GRIK2: variants seen among roughly 807,000 people sequenced by gnomAD.
GRIK2 encodes glutamate ionotropic receptor kainate type subunit 2.
GRIK2 carries 32 observed loss-of-function variants against 100.3 expected under a neutral mutation model. The ratio of observed to expected loss-of-function variants is 0.32; its 90% CI spans 0.24 to 0.43. The LOEUF (loss-of-function observed/expected upper bound fraction) is 0.43. Among genes scored for constraint, GRIK2 ranks in the 20% least tolerant of loss-of-function variants. GRIK2 has a pLI of 1.00. For synonymous variants in GRIK2, 417 were observed against 389.4 expected (o/e 1.07, Z -0.83); for missense variants, 843 against 1,114.9 (o/e 0.76, Z 3.47).
chr6:102,015,615 C>T (rs367885874), intron 14 of GRIK2, among the ~76,000 whole-genome samples: 2 of 152,280 alleles, frequency 1.3e-5, no homozygotes, highest in African/African-American at 4.8e-5. Context: ...ACCCTGGCAC[C>T]CACTAGCACC....
chr6:101,795,714 C>G lies in GRIK2; in HGVS notation c.952-3934C>G, dbSNP rs558573170. The stretch of plus-strand genomic sequence containing the variant: ...AGCCCTCAGGAGAAGTGCACGGACA[C>G]CAGCAGTGGTGAACAAGGCAGGGCT... On this transcript the variant is annotated intron_variant, in intron 7 of 16. Transcript: ENST00000369134. Among the ~76,000 whole-genome samples, 20 of 152,302 alleles carry G rather than the reference C, an allele frequency of 1.3e-4. No individual in the cohort carries two copies. In the South Asian group the frequency reaches 2.1e-3, roughly 16 times the overall value.
intron 10 of GRIK2, 126 bp downstream of exon 10, chr6:101,818,609 A>G (rs1583206211): frequency 3.3e-6 from 2 of 610,498 alleles, no homozygotes; most frequent in East Asian, 5.6e-5. Context: ...CAATTACTGT[A>G]CAACAGATGA....
At chr6:101,597,063 A>G (rs1329014851) in intron 2 of GRIK2, among the ~76,000 whole-genome samples, 1 of 151,930 alleles carries the variant, frequency 6.6e-6, no homozygotes, top group African/African-American at 2.4e-5. Flanking sequence ...GCAGCCATAG[A>G]AAACAACAAA....
chr6:101,483,594 G>A (rs2518170), intron 2 of GRIK2, among the ~76,000 whole-genome samples: 40,345 of 151,680 alleles, frequency 0.27, 5,975 homozygotes, highest in East Asian at 0.36. Context: ...TATTTATTTG[G>A]GATAGAGTCT....
intron 12 of GRIK2, among the ~76,000 whole-genome samples, chr6:101,912,359 C>T (rs78201585): frequency 0.086 from 13,098 of 151,548 alleles, 781 homozygotes; most frequent in Middle Eastern, 0.2. Flanking sequence ...GCTCCCACTA[C>T]TTAGCATTAA....
At chr6:101,849,905 A>C (rs893005572) in intron 10 of GRIK2, among the ~76,000 whole-genome samples, 1 of 126,222 alleles carries the variant, frequency 7.9e-6, no homozygotes, top group African/African-American at 2.9e-5. Context: ...AAATGCATTG[A>C]TATCTTTAAG....
chr6:101,610,840 AT>A (rs1157981493), intron 2 of GRIK2, among the ~76,000 whole-genome samples: 1 of 151,696 alleles, frequency 6.6e-6, no homozygotes, highest in Non-Finnish European at 1.5e-5. Context: ...AGTTGGTATT[AT>A]TTATACTGTT....
chr6:101,827,120 T>C (rs1012868937), intron 10 of GRIK2, among the ~76,000 whole-genome samples: 4 of 151,980 alleles, frequency 2.6e-5, no homozygotes, highest in Non-Finnish European at 5.9e-5. Context: ...CAACAAGACT[T>C]AGATTTTTGT....
At chr6:101,561,433 T>C (rs369974984) in intron 2 of GRIK2, among the ~76,000 whole-genome samples, 40 of 152,014 alleles carry the variant, frequency 2.6e-4, no homozygotes, top group African/African-American at 9.4e-4. Context: ...AAAAATACAA[T>C]TAGATAGAAG....
At chr6:101,799,906 C>G in intron 8 of GRIK2, 115 bp downstream of exon 8, 1 of 787,508 alleles carries the variant, frequency 1.3e-6, no homozygotes, top group Non-Finnish European at 2.0e-6. Context: ...TTTAAATTTT[C>G]TCTCTTACTC....
chr6:101,823,782 G>A (rs113750439), intron 10 of GRIK2, among the ~76,000 whole-genome samples: 2,825 of 151,576 alleles, frequency 0.019, 89 homozygotes, highest in African/African-American at 0.065. Flanking sequence ...AGGGGACTAA[G>A]TATTATTTTA....
intron 12 of GRIK2, among the ~76,000 whole-genome samples, chr6:101,895,045 A>T (rs1787351923): frequency 6.6e-6 from 1 of 151,784 alleles, no homozygotes; most frequent in Non-Finnish European, 1.5e-5. Context: ...AAATTACTAT[A>T]CCAAATTTTG....
At chr6:101,596,340 C>A (rs1778930574) in intron 2 of GRIK2, among the ~76,000 whole-genome samples, 1 of 150,970 alleles carries the variant, frequency 6.6e-6, no homozygotes, top group African/African-American at 2.4e-5. Context: ...TAGAAATTTA[C>A]CTTTTTACCT....
chr6:101,830,748 A>T (rs1782627523), intron 10 of GRIK2, among the ~76,000 whole-genome samples: 1 of 151,952 alleles, frequency 6.6e-6, no homozygotes, highest in Admixed American at 6.6e-5. Context: ...GAAAAAAGGT[A>T]ATGCTTACAT....
intron 12 of GRIK2, among the ~76,000 whole-genome samples, chr6:101,902,086 T>C (rs1263734707): frequency 6.6e-6 from 1 of 151,972 alleles, no homozygotes; most frequent in African/African-American, 2.4e-5. Context: ...TAATTGGCTA[T>C]GGCAGTGAAA....
chr6:101,513,430 T>C (rs375087847), intron 2 of GRIK2, among the ~76,000 whole-genome samples: 131 of 152,254 alleles, frequency 8.6e-4, no homozygotes, highest in African/African-American at 3.1e-3. Context: ...TTAGGTAATC[T>C]CTTTAGGATT....
At chr6:101,494,889 G>A (rs1194443086) in intron 2 of GRIK2, among the ~76,000 whole-genome samples, 3 of 150,344 alleles carry the variant, frequency 2.0e-5, no homozygotes, top group Non-Finnish European at 4.4e-5. Context: ...AGCTGAGATT[G>A]AGCCAATGTC....
chr6:101,659,513 A>G (rs1167801900), intron 4 of GRIK2, among the ~76,000 whole-genome samples: 1 of 152,082 alleles, frequency 6.6e-6, no homozygotes, highest in East Asian at 1.9e-4. Flanking sequence ...TCTCGTCATT[A>G]TGATGTTAGC....
intron 14 of GRIK2, among the ~76,000 whole-genome samples, chr6:101,974,742 G>C (rs1437671700): frequency 6.6e-6 from 1 of 151,926 alleles, no homozygotes; most frequent in Non-Finnish European, 1.5e-5. Flanking sequence ...ATACAAAATA[G>C]CTTCAAGCAT....
Sources: allele counts gnomAD v4.1 joint callset (sites outside exome capture counted in the v4.1 genomes callset), GRCh38; gene constraint gnomAD v4.1.1; transcripts MANE v1.5; gene names NCBI Gene and HGNC (gene_info 2026-07-23, HGNC 2026-07-21).